CUEDC1: variants seen among roughly 807,000 people sequenced by gnomAD.
CUEDC1 encodes the protein CUE domain-containing protein 1.
Under a neutral mutation model 43.7 loss-of-function variants are expected in CUEDC1, and 30 were observed. The observed-to-expected ratio is 0.69, with a 90% CI of 0.51 to 0.93. CUEDC1 has a LOEUF of 0.93. CUEDC1 is among the 40% of genes least tolerant of loss of function. The pLI, the probability that CUEDC1 is intolerant of heterozygous loss-of-function variation, is 0.00. For missense variants in CUEDC1, 486 were observed against 549.0 expected, an observed-to-expected ratio of 0.89 and a Z score of 1.15; for synonymous variants, 223 against 223.6, an observed-to-expected ratio of 1.00 and a Z score of 0.02.
chr17:57,900,914 G>A (rs1157098138), intron 1 of CUEDC1, among the ~76,000 whole-genome samples: 1 of 152,230 alleles, frequency 6.6e-6, no homozygotes, highest in Non-Finnish European at 1.5e-5. Context: ...TTGCACTATA[G>A]CAGGTGTATC....
rs2073891832 is a variant in CUEDC1, at chr17:57,862,307, G to A, written c.*982C>T. ...CCCAGCAAGCCCTTATGCCCTAGGC[G>A]CTCACCCAGGCTGGCGGCCTTTCCG... On this transcript the variant is annotated 3_prime_UTR_variant, in exon 11 of 11. Coordinates refer to ENST00000577830, the MANE Select transcript of CUEDC1 (RefSeq NM_001271875.2). 1.3e-5 allele frequency: 2 copies of A among 153,084 alleles called. No individual in the cohort carries two copies. Among genetic ancestry groups the A allele is most frequent in the Non-Finnish European group, 2.9e-5 (2 of 68,812 alleles). 9.5% of individuals were successfully genotyped at this position (153,084 alleles called of 1,614,324 possible). A position where few individuals can be genotyped will look rare whatever the true frequency, so the allele number is the denominator to read the frequency against.
At chr17:57,866,406 G>A in intron 10 of CUEDC1, 68 bp downstream of exon 10, 2 of 1,464,386 alleles carry the variant, frequency 1.4e-6, no homozygotes, top group Non-Finnish European at 1.9e-6. Context: ...GGGAGGACAT[G>A]TGGGGTGCAT....
At chr17:57,880,975 G>A (rs1287916209) in intron 2 of CUEDC1, among the ~76,000 whole-genome samples, 1 of 152,198 alleles carries the variant, frequency 6.6e-6, no homozygotes. Context: ...GAGCTCAGAG[G>A]CTGTGAATCT....
chr17:57,883,734 AAAAC>A (rs559204225), intron 2 of CUEDC1, among the ~76,000 whole-genome samples: 1 of 152,168 alleles, frequency 6.6e-6, no homozygotes, highest in Non-Finnish European at 1.5e-5. Context: ...AAAAAACAAA[AAAAC>A]AAACAAAAAA....
Position 57,909,659 on chromosome 17 carries a change from G to C in CUEDC1, c.-315-23780C>G, listed in dbSNP as rs572709783. On this transcript the variant is annotated intron_variant, in intron 1 of 10. Transcript: ENST00000577830. ...TCCAGCTGGGAGCCTAAATTCTGAT[G>C]TCCACACTGGCAGGGCCCAGGCCTC... Among the ~76,000 whole-genome samples, 11 of 152,330 alleles carry C rather than the reference G, an allele frequency of 7.2e-5. No homozygotes were observed. The South Asian group carries it at 2.3e-3, about 32-fold the overall frequency.
At chr17:57,890,225 G>A (rs1384326962) in intron 1 of CUEDC1, among the ~76,000 whole-genome samples, 2 of 152,218 alleles carry the variant, frequency 1.3e-5, no homozygotes, top group Non-Finnish European at 2.9e-5. Context: ...AGGGCTATGA[G>A]CCAAGGAGCA....
At chr17:57,918,593 C>A (rs1294057332) in intron 1 of CUEDC1, among the ~76,000 whole-genome samples, 1 of 152,190 alleles carries the variant, frequency 6.6e-6, no homozygotes, top group Non-Finnish European at 1.5e-5. Flanking sequence ...ACCTGTTTAA[C>A]CTGTTTAATA....
intron 1 of CUEDC1, among the ~76,000 whole-genome samples, chr17:57,917,527 A>C (rs1316161456): frequency 6.6e-6 from 1 of 152,186 alleles, no homozygotes; most frequent in African/African-American, 2.4e-5. Context: ...GATAACAATA[A>C]TACTTACTGA....
intron 1 of CUEDC1, among the ~76,000 whole-genome samples, chr17:57,933,909 C>T (rs2074834807): frequency 6.6e-6 from 1 of 152,114 alleles, no homozygotes. Flanking sequence ...AGAGGCCAGC[C>T]CAATGTTAAC....
At chr17:57,951,133 C>A (rs1363439441) in intron 1 of CUEDC1, among the ~76,000 whole-genome samples, 1 of 151,702 alleles carries the variant, frequency 6.6e-6, no homozygotes, top group African/African-American at 2.4e-5. Context: ...AAAATCCACC[C>A]TCAGCCTCTA....
Position 57,915,427 on chromosome 17 carries a change from T to C in CUEDC1, c.-315-29548A>G, listed in dbSNP as rs915924322. 1.3e-5 allele frequency among the ~76,000 whole-genome samples: 2 copies of C among 151,898 alleles called. 1 individual carries two copies. ...AAAATCTAAAGTCAAACACATCCTT[T>C]GCTAAATTTAACAAGCAGATAGGCA... On this transcript the variant is annotated intron_variant, in intron 1 of 10. Transcript: ENST00000577830.
intron 1 of CUEDC1, among the ~76,000 whole-genome samples, chr17:57,907,282 GC>G (rs2143035729): frequency 6.6e-6 from 1 of 152,328 alleles, no homozygotes; most frequent in Admixed American, 6.5e-5. Context: ...AGGCTAGTGT[GC>G]TGGAAAACGA....
intron 1 of CUEDC1, among the ~76,000 whole-genome samples, chr17:57,939,681 A>G (rs2074898176): frequency 6.6e-6 from 1 of 152,116 alleles, no homozygotes; most frequent in Admixed American, 6.6e-5. Context: ...GTGCTGCGTG[A>G]TCATGCCCTC....
intron 1 of CUEDC1, among the ~76,000 whole-genome samples, chr17:57,949,788 T>C (rs1157376669): frequency 6.6e-6 from 1 of 151,764 alleles, no homozygotes; most frequent in Non-Finnish European, 1.5e-5. Flanking sequence ...GGTTTAGAAC[T>C]CTTGAGCTCA....
At chr17:57,865,288 G>A (rs530716501) in intron 10 of CUEDC1, among the ~76,000 whole-genome samples, 2 of 152,234 alleles carry the variant, frequency 1.3e-5, no homozygotes, top group African/African-American at 4.8e-5. Flanking sequence ...GAGGGGAATA[G>A]AAGGGGCTGC....
intron 1 of CUEDC1, among the ~76,000 whole-genome samples, chr17:57,933,832 T>C (rs1281126556): frequency 6.6e-6 from 1 of 152,100 alleles, no homozygotes; most frequent in Non-Finnish European, 1.5e-5. Context: ...GCCCGACTTA[T>C]GGGCTGGGAT....
chr17:57,904,063 G>A (rs2074502150), intron 1 of CUEDC1, among the ~76,000 whole-genome samples: 1 of 152,080 alleles, frequency 6.6e-6, no homozygotes, highest in African/African-American at 2.4e-5. Context: ...GGAAGGATGG[G>A]ACTCTGGGCA....
rs1347322667 is a variant in CUEDC1, at chr17:57,885,289, A to G, written c.276T>C (p.Gly92=). ...DQLLQMNLEG[G]GSSGGVYEDS... Reference sequence around the variant, plus strand: ...CCTCATAGACGCCGCCGCTGCTGCCACCGCCCTCCAGGTTCATCTGCAGCA... The same window carrying G: ...CCTCATAGACGCCGCCGCTGCTGCCGCCGCCCTCCAGGTTCATCTGCAGCA... The change falls in exon 2 of 11, where the codon GGT becomes GGC. Residue 92 remains glycine (G), a synonymous_variant. Coordinates refer to ENST00000577830, the MANE Select transcript of CUEDC1 (RefSeq NM_001271875.2). The G allele has an allele frequency of 6.2e-7, 1 of 1,607,880 alleles. No individual in the cohort carries two copies. The highest frequency in any genetic ancestry group is 1.3e-5 in the African/African-American group (1 of 74,746).
chr17:57,887,898 CTTTTTTT>C (rs748886251), intron 1 of CUEDC1, among the ~76,000 whole-genome samples: 5 of 118,032 alleles, frequency 4.2e-5, no homozygotes, highest in African/African-American at 9.7e-5. Context: ...TTCTTTTTCT[CTTTTTTT>C]TTTTTTTTTT....
Sources: allele counts gnomAD v4.1 joint callset (sites outside exome capture counted in the v4.1 genomes callset), GRCh38; gene constraint gnomAD v4.1.1; transcripts MANE v1.5; gene names NCBI Gene and HGNC (gene_info 2026-07-23, HGNC 2026-07-21).